PLA2G4E: variants seen among roughly 807,000 people sequenced by gnomAD.
PLA2G4E encodes the protein phospholipase A2 group IVE.
A neutral mutation model predicts 109.1 loss-of-function variants in PLA2G4E; 84 were observed. The observed-to-expected ratio is 0.77, with a 90% confidence interval of 0.65 to 0.92. PLA2G4E has a LOEUF of 0.92. Among genes scored for constraint, PLA2G4E ranks in the 40% least tolerant of loss-of-function variants. PLA2G4E has a pLI of 0.00. For missense variants in PLA2G4E, 1,057 were observed against 1,076.6 expected (o/e 0.98, Z 0.25); for synonymous variants, 469 against 436.1 (o/e 1.08, Z -0.94).
intron 5 of PLA2G4E, among the ~76,000 whole-genome samples, chr15:42,004,394 G>GGGAGGA (rs2068452776): frequency 7.7e-6 from 1 of 129,424 alleles, no homozygotes; most frequent in African/African-American, 2.7e-5. Context: ...GGAAGGGAGG[G>GGGAGGA]AGGGAGGGAG....
intron 2 of PLA2G4E, among the ~76,000 whole-genome samples, chr15:42,012,790 C>T (rs1349789333): frequency 6.6e-6 from 1 of 152,242 alleles, no homozygotes; most frequent in Non-Finnish European, 1.5e-5. Context: ...TTCTCTGCCC[C>T]TCTCAGGCCC....
At chr15:42,022,475 T>C (rs1301796866) in intron 1 of PLA2G4E, among the ~76,000 whole-genome samples, 2 of 152,078 alleles carry the variant, frequency 1.3e-5, no homozygotes, top group Non-Finnish European at 2.9e-5. Context: ...TTCACCATAA[T>C]GTAGAATCAG....
intron 2 of PLA2G4E, among the ~76,000 whole-genome samples, chr15:42,011,285 C>T (rs1566843819): frequency 6.6e-6 from 1 of 152,266 alleles, no homozygotes; most frequent in Non-Finnish European, 1.5e-5. Context: ...TTCCTCACAC[C>T]CCGTCACCTG....
intron 1 of PLA2G4E, among the ~76,000 whole-genome samples, chr15:42,024,157 G>A (rs901741677): frequency 1.9e-4 from 29 of 152,188 alleles, no homozygotes; most frequent in South Asian, 1.5e-3. Context: ...CAGAGGACTC[G>A]GGGAGTTGGA....
chr15:42,046,075 C>G (rs1889411038), intron 1 of PLA2G4E, among the ~76,000 whole-genome samples: 1 of 152,098 alleles, frequency 6.6e-6, no homozygotes, highest in African/African-American at 2.4e-5. Context: ...TCCAGGAAAC[C>G]CAGAATCCAT....
At chr15:42,037,679 A>G (rs1040539710) in intron 1 of PLA2G4E, among the ~76,000 whole-genome samples, 6 of 152,218 alleles carry the variant, frequency 3.9e-5, no homozygotes, top group Non-Finnish European at 5.9e-5. Flanking sequence ...AGGAGAGAAG[A>G]GCTGCGGCCC....
chr15:41,983,938 T>C, exon 20 of PLA2G4E: 2 of 1,612,044 alleles, frequency 1.2e-6, no homozygotes, highest in South Asian at 2.2e-5. Flanking sequence ...AATGTCCACC[T>C]GGCCCTGCTC....
At chr15:42,034,222 T>C (rs1458109321) in intron 1 of PLA2G4E, among the ~76,000 whole-genome samples, 1 of 152,242 alleles carries the variant, frequency 6.6e-6, no homozygotes, top group South Asian at 2.1e-4. Flanking sequence ...AGATCACTTA[T>C]TTCTAATTTC....
At chr15:42,012,854 G>A (rs1454029326) in intron 2 of PLA2G4E, among the ~76,000 whole-genome samples, 2 of 152,214 alleles carry the variant, frequency 1.3e-5, no homozygotes, top group Non-Finnish European at 1.5e-5. Context: ...TGTGGTTACC[G>A]GTGAGCAGGG....
intron 14 of PLA2G4E, among the ~76,000 whole-genome samples, 196 bp downstream of exon 14, chr15:41,989,925 C>T (rs951445121): frequency 6.6e-6 from 1 of 152,234 alleles, no homozygotes; most frequent in South Asian, 2.1e-4. Context: ...AAGCTGCAGA[C>T]AGTGCCTGCC....
intron 3 of PLA2G4E, among the ~76,000 whole-genome samples, chr15:42,006,721 G>A (rs2068481009): frequency 6.6e-6 from 1 of 152,198 alleles, no homozygotes; most frequent in Non-Finnish European, 1.5e-5. Flanking sequence ...GTGTTCTCAG[G>A]TGACATGGAC....
chr15:42,028,849 T>C (rs897870674), intron 1 of PLA2G4E, among the ~76,000 whole-genome samples: 1 of 152,186 alleles, frequency 6.6e-6, no homozygotes, highest in African/African-American at 2.4e-5. Context: ...CTGGGTAAGA[T>C]GAGATTAAAA....
rs1305884818 is a variant in PLA2G4E, at chr15:41,997,251, G to A, written c.983C>T (p.Thr328Ile). ...GCTGAAGCCCAGCCGCACGTCCAGTGTCTCAGGGCTGGAGGGAGAGAGGAC... is the reference window on the plus strand; with the variant it reads ...GCTGAAGCCCAGCCGCACGTCCAGTATCTCAGGGCTGGAGGGAGAGAGGAC... Residue 328 changes from threonine to isoleucine, a missense_variant, in exon 11 of 20, where the codon ACA becomes ATA. Transcript: ENST00000399518. 8.4e-6 allele frequency: 13 copies of A among 1,546,762 alleles called. No homozygotes were observed. The African/African-American group carries it at 9.6e-5, about 11-fold the overall frequency.
chr15:42,037,333 C>A (rs2141074579), intron 1 of PLA2G4E, among the ~76,000 whole-genome samples: 1 of 152,338 alleles, frequency 6.6e-6, no homozygotes, highest in African/African-American at 2.4e-5. Context: ...ACTTCCTCCC[C>A]TCGAAGCCCT....
chr15:41,989,225 G>A (rs2068199117), intron 15 of PLA2G4E, among the ~76,000 whole-genome samples, 190 bp downstream of exon 15: 1 of 152,206 alleles, frequency 6.6e-6, no homozygotes, highest in Non-Finnish European at 1.5e-5. Flanking sequence ...GCAGGCTGCA[G>A]GGAGACTGCT....
intron 12 of PLA2G4E, among the ~76,000 whole-genome samples, chr15:41,993,302 C>G (rs972826775): frequency 3.9e-5 from 6 of 152,198 alleles, no homozygotes; most frequent in African/African-American, 1.2e-4. Context: ...TCACCGTTCC[C>G]TTCAGTTTTC....
At chr15:42,041,496 G>A (rs1889316368) in intron 1 of PLA2G4E, among the ~76,000 whole-genome samples, 1 of 152,258 alleles carries the variant, frequency 6.6e-6, no homozygotes, top group Middle Eastern at 3.4e-3. Flanking sequence ...TCCTGGGGTT[G>A]GGGAAAGAGG....
chr15:41,995,275 C>A (rs994664433), intron 12 of PLA2G4E, 85 bp downstream of exon 12: 2 of 1,509,402 alleles, frequency 1.3e-6, no homozygotes, highest in Admixed American at 1.9e-5. Flanking sequence ...CTTTGGGTGG[C>A]GGGGAGGAGC....
intron 4 of PLA2G4E, 25 bp from the exon 5 acceptor site, chr15:42,005,003 G>A: frequency 6.2e-7 from 1 of 1,610,666 alleles, no homozygotes; most frequent in Non-Finnish European, 8.5e-7. Context: ...AGGGAAGGCA[G>A]CTGTGAGTGG....
Sources: gnomAD v4.1 joint callset for allele counts (sites outside exome capture counted in the v4.1 genomes callset) on GRCh38, gnomAD v4.1.1 for gene constraint, MANE v1.5 for transcripts, NCBI Gene and HGNC (gene_info 2026-07-23, HGNC 2026-07-21) for gene names.